TTC7B: variants seen among roughly 807,000 people sequenced by gnomAD.
TTC7B encodes the protein tetratricopeptide repeat protein 7B.
Under a neutral mutation model 106.8 loss-of-function variants are expected in TTC7B, and 28 were observed. That is an observed-to-expected ratio of 0.26 (90% CI 0.19 to 0.36). The LOEUF is 0.36. Among genes scored for constraint, TTC7B ranks in the 10% least tolerant of loss-of-function variants. TTC7B has a pLI of 1.00. For synonymous variants in TTC7B, 405 were observed against 430.6 expected, an observed-to-expected ratio of 0.94 and a Z score of 0.74; for missense variants, 862 against 1,076.4, an observed-to-expected ratio of 0.80 and a Z score of 2.79.
intron 8 of TTC7B, among the ~76,000 whole-genome samples, chr14:90,678,938 T>C (rs1171893967): frequency 6.6e-6 from 1 of 152,172 alleles, no homozygotes; most frequent in Non-Finnish European, 1.5e-5. Context: ...CCAACCAAGT[T>C]TGCCCAAAGG....
intron 19 of TTC7B, among the ~76,000 whole-genome samples, chr14:90,551,668 C>T (rs1211626435): frequency 6.6e-6 from 1 of 152,160 alleles, no homozygotes; most frequent in Non-Finnish European, 1.5e-5. Context: ...CAAACCAGTA[C>T]CACTCTGAGA....
At chr14:90,626,687 G>C (rs112179625) in intron 15 of TTC7B, among the ~76,000 whole-genome samples, 3,381 of 152,298 alleles carry the variant, frequency 0.022, 49 homozygotes, top group Middle Eastern at 0.044. Flanking sequence ...AACCCTGCTA[G>C]CAGATGCCAG....
intron 17 of TTC7B, among the ~76,000 whole-genome samples, chr14:90,594,158 G>C (rs575349059): frequency 1.8e-4 from 28 of 152,294 alleles, no homozygotes; most frequent in Non-Finnish European, 3.4e-4. Context: ...ATATTCTAAG[G>C]CATGACTTAA....
chr14:90,684,289 A>G (rs1887169138), intron 7 of TTC7B, among the ~76,000 whole-genome samples: 1 of 152,186 alleles, frequency 6.6e-6, no homozygotes, highest in South Asian at 2.1e-4. Flanking sequence ...TGTGCATTTA[A>G]TTGTCGAAGC....
chr14:90,641,934 C>CAT (rs1555384925), intron 15 of TTC7B, among the ~76,000 whole-genome samples: 2 of 146,998 alleles, frequency 1.4e-5, no homozygotes, highest in African/African-American at 5.1e-5. Context: ...TGTGTGTGTG[C>CAT]GTGTGTGTGT....
At chr14:90,709,730 A>G (rs954494940) in intron 5 of TTC7B, among the ~76,000 whole-genome samples, 2 of 152,022 alleles carry the variant, frequency 1.3e-5, no homozygotes, top group Non-Finnish European at 1.5e-5. Flanking sequence ...AAAAAAGAAT[A>G]TTTATGAGCA....
At chr14:90,599,014 G>T (rs1892324240) in intron 17 of TTC7B, among the ~76,000 whole-genome samples, 1 of 152,184 alleles carries the variant, frequency 6.6e-6, no homozygotes. Flanking sequence ...AGCCGGGCCT[G>T]GTGGCGGGTG....
chr14:90,645,026 G>A (rs146637514), intron 14 of TTC7B: 1 of 152,328 alleles, frequency 6.6e-6, no homozygotes, highest in Admixed American at 6.5e-5. Context: ...TTCCATGCAG[G>A]TTTGGCAGTA....
At chr14:90,595,851 G>T (rs940636343) in intron 17 of TTC7B, among the ~76,000 whole-genome samples, 2 of 152,156 alleles carry the variant, frequency 1.3e-5, no homozygotes, top group East Asian at 1.9e-4. Flanking sequence ...AGAACCACTC[G>T]CTTGGAGAGA....
At chr14:90,589,451 T>C (rs1448908158) in intron 18 of TTC7B, among the ~76,000 whole-genome samples, 7 of 152,254 alleles carry the variant, frequency 4.6e-5, no homozygotes, top group African/African-American at 1.7e-4. Context: ...TTAAAATACC[T>C]AATACAATGT....
At position 90,807,087 on chromosome 14, in the gene TTC7B, G is replaced by T; in HGVS notation, c.121+9088C>A. Among the ~76,000 whole-genome samples the T allele has an allele frequency of 6.6e-6, 1 of 152,068 alleles. No homozygotes were observed. The highest frequency in any genetic ancestry group is 1.9e-4 in the East Asian group (1 of 5,180). Reference sequence around the variant, plus strand: ...ACCTCTATCTACCTGAAAGACTACCGTTCCACTTGCCCAGGACTGAGGGAG... The same window carrying T: ...ACCTCTATCTACCTGAAAGACTACCTTTCCACTTGCCCAGGACTGAGGGAG... On this transcript the variant is annotated intron_variant, in intron 1 of 19. Coordinates refer to ENST00000328459, the MANE Select transcript of TTC7B (RefSeq NM_001010854.2). This position sits in a 1 kb window ranked among gnomAD's most constrained non-coding sequence, Gnocchi z 4.1.
At chr14:90,797,615 G>A (rs2140052464) in intron 1 of TTC7B, among the ~76,000 whole-genome samples, 1 of 151,980 alleles carries the variant, frequency 6.6e-6, no homozygotes, top group South Asian at 2.1e-4. Flanking sequence ...TGCTGGTGGG[G>A]GTATAAATTA....
chr14:90,633,525 C>CA (rs1338335885), intron 15 of TTC7B, among the ~76,000 whole-genome samples: 1 of 152,088 alleles, frequency 6.6e-6, no homozygotes, highest in African/African-American at 2.4e-5. Flanking sequence ...ATTCCAAAGA[C>CA]AAAAAACAAC....
At chr14:90,590,537 C>G (rs1359644781) in intron 18 of TTC7B, among the ~76,000 whole-genome samples, 1 of 152,180 alleles carries the variant, frequency 6.6e-6, no homozygotes, top group African/African-American at 2.4e-5. Flanking sequence ...TCTTCTAAAG[C>G]TTACAAAACT....
chr14:90,652,814 C>T (rs927787261), intron 13 of TTC7B, 27 bp downstream of exon 13: 7 of 1,612,200 alleles, frequency 4.3e-6, no homozygotes, highest in African/African-American at 1.3e-5. Flanking sequence ...TATGTACAGC[C>T]GAGTGAAAAG....
intron 15 of TTC7B, among the ~76,000 whole-genome samples, chr14:90,635,753 C>G (rs1473248748): frequency 4.3e-5 from 4 of 93,234 alleles, no homozygotes; most frequent in African/African-American, 1.3e-4. Context: ...GAGTCAGACT[C>G]TGTCTCAAAA....
rs1353882566 is a variant in TTC7B, at chr14:90,525,663, T to G, written c.*15705A>C. 1 of 150,086 alleles carries G rather than the reference T, an allele frequency of 6.7e-6. No homozygotes were observed. The highest frequency in any genetic ancestry group is 2.1e-4 in the East Asian group (1 of 4,802). 9.3% of individuals were successfully genotyped at this position (150,086 alleles called of 1,614,324 possible). On this transcript the variant is annotated 3_prime_UTR_variant, in exon 20 of 20. Transcript: ENST00000328459. Reference sequence around the variant, plus strand: ...GGATCTGCTCCTATAGATGTCCAGATTGTTAGACGGTGGGCTTCATCCGTC... The same window carrying G: ...GGATCTGCTCCTATAGATGTCCAGAGTGTTAGACGGTGGGCTTCATCCGTC...
chr14:90,646,134 T>G (rs1476687095), intron 14 of TTC7B, among the ~76,000 whole-genome samples: 1 of 152,186 alleles, frequency 6.6e-6, no homozygotes, highest in Non-Finnish European at 1.5e-5. Context: ...CACTTCTCAA[T>G]GCCATTCCCA....
intron 9 of TTC7B, among the ~76,000 whole-genome samples, chr14:90,664,185 G>C (rs770278973): frequency 3.7e-4 from 57 of 152,194 alleles, no homozygotes; most frequent in Non-Finnish European, 6.2e-4. Context: ...TACCGTATGT[G>C]TATGGGACAG....
Sources: allele counts gnomAD v4.1 joint callset (sites outside exome capture counted in the v4.1 genomes callset), GRCh38; gene constraint gnomAD v4.1.1; non-coding constraint Gnocchi (gnomAD v3.1); transcripts MANE v1.5; gene names NCBI Gene and HGNC (gene_info 2026-07-23, HGNC 2026-07-21).